DLGAP2: variants seen among roughly 807,000 people sequenced by gnomAD.
DLGAP2 encodes the protein disks large-associated protein 2.
Under a neutral mutation model 100.3 loss-of-function variants are expected in DLGAP2, and 26 were observed. The observed-to-expected ratio is 0.26, with a 90% confidence interval of 0.19 to 0.36. The LOEUF (loss-of-function observed/expected upper bound fraction) is 0.36, where lower values mean the gene tolerates loss of function less well. DLGAP2 is among the 10% of genes least tolerant of loss of function. The pLI is 1.00. For missense variants in DLGAP2, 1,858 were observed against 1,453.2 expected (o/e 1.28, Z -4.53); for synonymous variants, 886 against 630.1 (o/e 1.41, Z -6.08).
chr8:1,267,591 G>A (rs13281972), intron 3 of DLGAP2, among the ~76,000 whole-genome samples: 56,369 of 85,998 alleles, frequency 0.66, 18,556 homozygotes, highest in East Asian at 0.72. Flanking sequence ...AATAAAATAA[G>A]ATAAGATAAG....
rs188145118 is a variant in DLGAP2, at chr8:861,887, T to C, written c.19-46025T>C. On this transcript the variant is annotated intron_variant, in intron 1 of 14. Transcript: ENST00000637795. ...ATGATTCACATGTTGTTTTATCCAT[T>C]AGGTAATATTGTAGGGCTCAGTATA... 4.2e-3 allele frequency among the ~76,000 whole-genome samples: 645 copies of C among 152,334 alleles called. 22 individuals are homozygous for C. Among genetic ancestry groups the C allele is most frequent in the Admixed American group, 0.038 (584 of 15,298 alleles).
chr8:798,827 G>C (rs996845189), intron 1 of DLGAP2, among the ~76,000 whole-genome samples: 1 of 149,366 alleles, frequency 6.7e-6, no homozygotes, highest in African/African-American at 2.5e-5. Flanking sequence ...TGCTTCCGTT[G>C]GCGCTGAAAG....
At chr8:1,337,435 AT>A (rs1233136394) in intron 3 of DLGAP2, among the ~76,000 whole-genome samples, 2 of 129,072 alleles carry the variant, frequency 1.5e-5, no homozygotes, top group Non-Finnish European at 1.7e-5. Context: ...GGTGATGGTG[AT>A]GATGATGATG....
chr8:1,468,227 C>T (rs1434320834), intron 3 of DLGAP2, among the ~76,000 whole-genome samples: 1 of 152,106 alleles, frequency 6.6e-6, no homozygotes, highest in African/African-American at 2.4e-5. Flanking sequence ...TCCTCTGCAG[C>T]CTCGGTCGGT....
rs373984441 is a variant in DLGAP2 at position 936,652 on chromosome 8, A to G, written c.73+28686A>G. 5.4e-3 allele frequency among the ~76,000 whole-genome samples: 815 copies of G among 152,252 alleles called. 13 individuals are homozygous for G. The highest frequency in any genetic ancestry group is 0.019 in the African/African-American group (788 of 41,538). ...GAGTCTGAGCTGGAGCCTAGTTGGA[A>G]GCTGGAGCCTGGTTGCAAGCTGAGT... On this transcript the variant is annotated intron_variant, in intron 2 of 14. Transcript: ENST00000637795.
intron 1 of DLGAP2, among the ~76,000 whole-genome samples, chr8:793,694 C>A (rs749345036): frequency 2.6e-5 from 4 of 152,224 alleles, no homozygotes; most frequent in African/African-American, 9.6e-5. Context: ...TTATAGATTT[C>A]CCTGACGGAG....
At chr8:1,282,015 T>C (rs1033845859) in intron 3 of DLGAP2, among the ~76,000 whole-genome samples, 5 of 147,154 alleles carry the variant, frequency 3.4e-5, no homozygotes, top group Middle Eastern at 3.5e-3. Flanking sequence ...AGACATGGTG[T>C]GACCTGAACC....
chr8:908,958 C>A (rs1312634409), intron 2 of DLGAP2, among the ~76,000 whole-genome samples: 1 of 151,478 alleles, frequency 6.6e-6, no homozygotes. Context: ...TGACTCACCA[C>A]TAAGAATGAT....
chr8:1,350,918 C>T (rs867668519), intron 3 of DLGAP2, among the ~76,000 whole-genome samples: 1 of 76,224 alleles, frequency 1.3e-5, no homozygotes, highest in Non-Finnish European at 2.6e-5. Context: ...CGGGTCCTGA[C>T]TGTGTGTGGA....
intron 1 of DLGAP2, among the ~76,000 whole-genome samples, chr8:888,580 G>T (rs1004224123): frequency 4.5e-4 from 66 of 146,852 alleles, no homozygotes; most frequent in African/African-American, 1.5e-3. Context: ...TTTTGTTGTT[G>T]TTTATGCTGT....
At chr8:1,049,417 C>T (rs1180883358) in intron 2 of DLGAP2, among the ~76,000 whole-genome samples, 6 of 152,032 alleles carry the variant, frequency 3.9e-5, no homozygotes, top group African/African-American at 9.7e-5. Context: ...ATTTGGTCAG[C>T]GGCCACTGTT....
intron 2 of DLGAP2, among the ~76,000 whole-genome samples, chr8:1,129,990 A>G (rs1796252320): frequency 6.6e-6 from 1 of 152,194 alleles, no homozygotes; most frequent in African/African-American, 2.4e-5. Flanking sequence ...TTCTAATTCT[A>G]ATCATGGTCA....
chr8:1,254,980 T>TGCTGTGTGTGTGTCTTCTCCTGCCCAGCC (rs1799147649), intron 2 of DLGAP2, among the ~76,000 whole-genome samples: 4 of 103,618 alleles, frequency 3.9e-5, no homozygotes, highest in African/African-American at 1.7e-4. Context: ...CCTGTCCGGG[T>TGCTGTGTGTGTGTCTTCTCCTGCCCAGCC]GCTGTGTGTG....
chr8:1,698,671 AGT>A (rs1799478781), intron 14 of DLGAP2, among the ~76,000 whole-genome samples: 1 of 28,954 alleles, frequency 3.5e-5, no homozygotes, highest in African/African-American at 2.1e-4. Context: ...GGGACAGGTC[AGT>A]GTAAGCCATG....
Position 1,195,228 on chromosome 8 carries a change from G to C in DLGAP2, c.74-63623G>C, listed in dbSNP as rs542613186. Among the ~76,000 whole-genome samples the C allele has an allele frequency of 2.6e-5, 4 of 152,326 alleles. No individual in the cohort carries two copies. The East Asian group carries it at 5.8e-4, about 22-fold the overall frequency. ...ATCCCAGCTGGGACTGGGGCTGCTGGTGTCCAGGACAGGCCTCCCAGTTCT... is the reference window on the plus strand; with the variant it reads ...ATCCCAGCTGGGACTGGGGCTGCTGCTGTCCAGGACAGGCCTCCCAGTTCT... On this transcript the variant is annotated intron_variant, in intron 2 of 14. Coordinates refer to ENST00000637795, the MANE Select transcript of DLGAP2 (RefSeq NM_001346810.2).
Position 965,376 on chromosome 8 carries a change from T to C in DLGAP2, c.73+57410T>C, listed in dbSNP as rs7001253. On this transcript the variant is annotated intron_variant, in intron 2 of 14. Coordinates refer to ENST00000637795, the MANE Select transcript of DLGAP2 (RefSeq NM_001346810.2). Reference sequence around the variant, plus strand: ...GCTCCTGAGTCTGACCCCTGCGCTGTACACGGCACTGTTCATCACACACGC... The same window carrying C: ...GCTCCTGAGTCTGACCCCTGCGCTGCACACGGCACTGTTCATCACACACGC... Among the ~76,000 whole-genome samples, 174 of 40,444 alleles carry C rather than the reference T, an allele frequency of 4.3e-3. 8 individuals carry two copies. Among genetic ancestry groups the C allele is most frequent in the African/African-American group, 8.6e-3 (69 of 8,068 alleles). 26.5% of individuals were successfully genotyped at this position (40,444 alleles called of 152,430 possible). A position where few individuals can be genotyped will look rare whatever the true frequency, so the allele number is the denominator to read the frequency against.
intron 2 of DLGAP2, among the ~76,000 whole-genome samples, chr8:948,400 G>A (rs934377560): frequency 5.3e-5 from 8 of 152,192 alleles, no homozygotes; most frequent in African/African-American, 9.6e-5. Context: ...GGTGCAGGAG[G>A]AGTGGGCGAA....
intron 4 of DLGAP2, among the ~76,000 whole-genome samples, chr8:1,524,046 G>T (rs1486568600): frequency 6.6e-6 from 1 of 152,210 alleles, no homozygotes; most frequent in Non-Finnish European, 1.5e-5. Context: ...AGACGTTTCT[G>T]ATCTGCAGGG....
chr8:983,290 A>T (rs1226841242), intron 2 of DLGAP2, among the ~76,000 whole-genome samples: 1 of 151,176 alleles, frequency 6.6e-6, no homozygotes, highest in Non-Finnish European at 1.5e-5. Flanking sequence ...GGTCGTCGAG[A>T]TGTTCTTCTG....
Sources: allele counts gnomAD v4.1 joint callset (sites outside exome capture counted in the v4.1 genomes callset), GRCh38; gene constraint gnomAD v4.1.1; transcripts MANE v1.5; gene names NCBI Gene and HGNC (gene_info 2026-07-23, HGNC 2026-07-21).